ERICH6: variants seen among roughly 807,000 people sequenced by gnomAD.
ERICH6 encodes glutamate-rich protein 6.
ERICH6 carries 71 observed loss-of-function variants against 71.0 expected under a neutral mutation model. The observed-to-expected ratio is 1.00, with a 90% confidence interval of 0.83 to 1.22. The LOEUF (loss-of-function observed/expected upper bound fraction) is 1.22, where lower values mean the gene tolerates loss of function less well. Among genes scored for constraint, ERICH6 ranks in the 50% most tolerant of loss-of-function variants. ERICH6 has a pLI of 0.00. For missense variants in ERICH6, 808 were observed against 797.2 expected, an observed-to-expected ratio of 1.01 and a Z score of -0.16; for synonymous variants, 262 against 278.4, an observed-to-expected ratio of 0.94 and a Z score of 0.59.
intron 3 of ERICH6, among the ~76,000 whole-genome samples, chr3:150,692,497 G>T (rs1333672293): frequency 1.3e-5 from 2 of 151,842 alleles, no homozygotes; most frequent in African/African-American, 2.4e-5. Context: ...AAGATATTAG[G>T]TTCCTTAAAG....
chr3:150,678,563 A>G lies in ERICH6; in HGVS notation c.1112-9T>C. Reference sequence around the variant, plus strand: ...TTTTAAGCGCTTTGAATCTAGTGGGAAAAGAATCACATAGAAATACATATA... The same window carrying G: ...TTTTAAGCGCTTTGAATCTAGTGGGGAAAGAATCACATAGAAATACATATA... On this transcript the variant is annotated splice_polypyrimidine_tract_variant and intron_variant, in intron 9 of 13. Coordinates refer to ENST00000295910, the MANE Select transcript of ERICH6 (RefSeq NM_152394.5). 6.3e-7 allele frequency: 1 copy of G among 1,582,580 alleles called. No individual in the cohort carries two copies. Among genetic ancestry groups the G allele is most frequent in the Admixed American group, 2.0e-5 (1 of 50,900 alleles).
intron 3 of ERICH6, among the ~76,000 whole-genome samples, chr3:150,694,346 A>C (rs142251005): frequency 1.7e-4 from 26 of 152,322 alleles, no homozygotes; most frequent in African/African-American, 5.8e-4. Flanking sequence ...AAACTCAGGA[A>C]CACAATTCAC....
In ERICH6 at chr3:150,703,489, G is replaced by T; in HGVS notation, c.403+7C>A. On this transcript the variant is annotated splice_region_variant and intron_variant, in intron 1 of 13. Transcript: ENST00000295910. ...CCCTCGAGGAAGGGGTGGGTCGGGG[G>T]CGGTACTTTTATGCGAGGAGGTGCT... The T allele has an allele frequency of 6.3e-7, 1 of 1,578,878 alleles. No individual in the cohort carries two copies. Among genetic ancestry groups the T allele is most frequent in the Non-Finnish European group, 8.6e-7 (1 of 1,162,616 alleles).
At position 150,681,216 on chromosome 3, in the gene ERICH6, C is replaced by G. The variant is rs149507832; in HGVS notation, c.883-286G>C. On this transcript the variant is annotated intron_variant, in intron 7 of 13. Transcript: ENST00000295910. ...TTCCTCTCCTTTCTTCTTCACAGCC[C>G]CTGGCAACCACTAATTTACATTCTG... Among the ~76,000 whole-genome samples, 345 of 152,280 alleles carry G rather than the reference C, an allele frequency of 2.3e-3. 2 individuals are homozygous for G. The highest frequency in any genetic ancestry group is 7.9e-3 in the African/African-American group (330 of 41,548).
Position 150,669,430 on chromosome 3 carries a change from G to A in ERICH6, c.1365C>T (p.Ala455=), listed in dbSNP as rs377341985. 9 of 1,613,392 alleles carry A rather than the reference G, an allele frequency of 5.6e-6. No individual in the cohort carries two copies. In the African/African-American group the frequency reaches 8.0e-5, roughly 14 times the overall value. ...TTACCTTGTTGGGCACTCGAATGAT[G>A]GCTAGGTTTCCAGATGGATAGCTGA... ...TQIFYPSGNL[A]IIRVPNKVNG... Residue 455 remains alanine, a synonymous_variant, in exon 12 of 14, where the codon GCC becomes GCT. Coordinates refer to ENST00000295910, the MANE Select transcript of ERICH6 (RefSeq NM_152394.5).
At chr3:150,673,171 T>C (rs971561740) in intron 11 of ERICH6, among the ~76,000 whole-genome samples, 1 of 150,274 alleles carries the variant, frequency 6.7e-6, no homozygotes, top group African/African-American at 2.4e-5. Context: ...CCATCCGTCT[T>C]TCTCTTTCTT....
chr3:150,674,129 A>G (rs1711563383), intron 10 of ERICH6, 88 bp from the exon 11 acceptor site: 1 of 1,006,612 alleles, frequency 9.9e-7, no homozygotes, highest in Non-Finnish European at 1.5e-6. Flanking sequence ...TGGTTACTAG[A>G]CAGTCATACA....
At position 150,678,496 on chromosome 3, in the gene ERICH6, C is replaced by T; in HGVS notation, c.1170G>A (p.Gln390=). 1 of 1,602,716 alleles carries T rather than the reference C, an allele frequency of 6.2e-7. No homozygotes were observed. Among genetic ancestry groups the T allele is most frequent in the Non-Finnish European group, 8.5e-7 (1 of 1,176,942 alleles). Residue 390 remains glutamine, a synonymous_variant, in exon 10 of 14, where the codon CAG becomes CAA. Coordinates refer to ENST00000295910, the MANE Select transcript of ERICH6 (RefSeq NM_152394.5). ...AATCAAATACAATGTCATCAATTATCTGTTTTTCTGGAATATCCACAGAAA... is the reference window on the plus strand; with the variant it reads ...AATCAAATACAATGTCATCAATTATTTGTTTTTCTGGAATATCCACAGAAA... ...YQLSVDIPEK[Q]IIDDIVFDFQ... is the part of the protein sequence containing the mutation.
intron 2 of ERICH6, among the ~76,000 whole-genome samples, chr3:150,701,370 T>A (rs1252838945): frequency 7.8e-6 from 1 of 128,924 alleles, no homozygotes; most frequent in Non-Finnish European, 1.7e-5. Flanking sequence ...AATGAAAATG[T>A]CATTTTAAAT....
chr3:150,703,238 C>T (rs1260170829), intron 1 of ERICH6, among the ~76,000 whole-genome samples: 4 of 151,548 alleles, frequency 2.6e-5, no homozygotes, highest in East Asian at 3.9e-4. Context: ...AAAAAAAAAG[C>T]ACTTCATACA....
chr3:150,677,316 G>A (rs951115773), intron 10 of ERICH6, among the ~76,000 whole-genome samples: 1 of 152,020 alleles, frequency 6.6e-6, no homozygotes, highest in African/African-American at 2.4e-5. Flanking sequence ...GGTCTATTCT[G>A]AGGGACTATA....
intron 9 of ERICH6, among the ~76,000 whole-genome samples, chr3:150,678,871 T>A (rs1029046611): frequency 6.6e-6 from 1 of 151,850 alleles, no homozygotes; most frequent in Non-Finnish European, 1.5e-5. Context: ...TGAAGCCCCA[T>A]CTCTGCCAAA....
At chr3:150,699,061 C>CT in intron 2 of ERICH6, among the ~76,000 whole-genome samples, 179 bp from the exon 3 acceptor site, 1 of 152,120 alleles carries the variant, frequency 6.6e-6, no homozygotes, top group East Asian at 1.9e-4. Flanking sequence ...TGCATCAAAT[C>CT]TTTTTTTGGG....
At chr3:150,675,548 C>T (rs137912470) in intron 10 of ERICH6, among the ~76,000 whole-genome samples, 3,162 of 152,162 alleles carry the variant, frequency 0.021, 121 homozygotes, top group African/African-American at 0.072. Context: ...GGGGTTTCAC[C>T]ATGTTGGCCA....
chr3:150,703,885 C>G lies in ERICH6; in HGVS notation c.14G>C (p.Arg5Pro). 1 of 1,613,938 alleles carries G rather than the reference C, an allele frequency of 6.2e-7. No individual in the cohort carries two copies. The highest frequency in any genetic ancestry group is 1.1e-5 in the South Asian group (1 of 91,060). ...CGGGTCTCCGAAGCCGCTAGGCGAGCGCAAGTGGGCCATGGCTGGCGGGAG... is the reference window on the plus strand; with the variant it reads ...CGGGTCTCCGAAGCCGCTAGGCGAGGGCAAGTGGGCCATGGCTGGCGGGAG... MAHLRSPSGFGDPGK... is the reference protein window; with the variant it reads MAHLPSPSGFGDPGK... The change falls in exon 1 of 14, where the codon CGC becomes CCC. Residue 5 changes from arginine (R) to proline (P), a missense_variant. Transcript: ENST00000295910.
At chr3:150,672,250 T>A (rs1381068960) in intron 11 of ERICH6, among the ~76,000 whole-genome samples, 1 of 147,594 alleles carries the variant, frequency 6.8e-6, no homozygotes, top group Non-Finnish European at 1.5e-5. Flanking sequence ...AAACAAAGAA[T>A]CCATTTATAT....
At position 150,673,937 on chromosome 3, in the gene ERICH6, A is replaced by C; in HGVS notation, c.1343+19T>G. 2.5e-6 allele frequency: 4 copies of C among 1,607,438 alleles called. No homozygotes were observed. The highest frequency in any genetic ancestry group is 3.4e-6 in the Non-Finnish European group (4 of 1,176,104). ...TGAAGTAATAAAGCTAATAAAAATA[A>C]CTTGTTGAAAGAGGATACAATATTT... On this transcript the variant is annotated intron_variant, in intron 11 of 13. Transcript: ENST00000295910.
intron 2 of ERICH6, 33 bp downstream of exon 2, chr3:150,702,088 C>T (rs904437681): frequency 8.5e-6 from 12 of 1,416,390 alleles, no homozygotes; most frequent in Admixed American, 7.5e-5. Context: ...TTATTGGGTT[C>T]AAAAAATGTG....
At chr3:150,686,200 C>CT in intron 4 of ERICH6, 98 bp downstream of exon 4, 2 of 1,435,290 alleles carry the variant, frequency 1.4e-6, no homozygotes, top group Non-Finnish European at 2.0e-6. Flanking sequence ...TAGGTGAGTC[C>CT]TTTTTCAAAG....
Sources: gnomAD v4.1 joint callset for allele counts (sites outside exome capture counted in the v4.1 genomes callset) on GRCh38, gnomAD v4.1.1 for gene constraint, MANE v1.5 for transcripts, NCBI Gene and HGNC (gene_info 2026-07-23, HGNC 2026-07-21) for gene names.